Variants in CNTNAP4 observed in about 807,000 individuals in gnomAD.
CNTNAP4 encodes the protein contactin-associated protein-like 4.
Under a neutral mutation model 148.4 loss-of-function variants are expected in CNTNAP4, and 98 were observed. That is an observed-to-expected ratio of 0.66 (90% CI 0.56 to 0.78). The LOEUF is 0.78. CNTNAP4 is among the 30% of genes least tolerant of loss of function. The pLI is 0.00. For synonymous variants in CNTNAP4, 730 were observed against 565.1 expected (o/e 1.29, Z -4.14); for missense variants, 1,935 against 1,565.6 (o/e 1.24, Z -3.98).
At chr16:76,369,905 A>G (rs2014598883) in intron 3 of CNTNAP4, among the ~76,000 whole-genome samples, 1 of 151,968 alleles carries the variant, frequency 6.6e-6, no homozygotes, top group Non-Finnish European at 1.5e-5. Context: ...GTTTTGTTCT[A>G]TTTTAGCCTT....
At position 76,522,055 on chromosome 16, in the gene CNTNAP4, T is replaced by A. The variant is rs376851667; in HGVS notation, c.2553T>A (p.Thr851=). The part of the protein sequence containing the change: ...RIELRSPTVV[T]FSFDVGNGPF... ...TATTTCCAGCTCCGACAGTAGTGAC[T>A]TTTTCATTTGATGTGGGGAATGGGC... Residue 851 remains threonine (T), a synonymous_variant, in exon 17 of 24, where the codon ACT becomes ACA. Coordinates refer to ENST00000611870, the MANE Select transcript of CNTNAP4 (RefSeq NM_033401.5). The A allele has an allele frequency of 4.2e-5, 67 of 1,613,802 alleles. No individual in the cohort carries two copies. Among genetic ancestry groups the A allele is most frequent in the Non-Finnish European group, 5.5e-5 (65 of 1,179,812 alleles).
chr16:76,513,523 A>G (rs1384265674), intron 15 of CNTNAP4, among the ~76,000 whole-genome samples: 4 of 152,218 alleles, frequency 2.6e-5, no homozygotes, highest in African/African-American at 9.6e-5. Flanking sequence ...GTATCAGGCA[A>G]TAAGTATATT....
chr16:76,465,034 C>A (rs1393121383), intron 9 of CNTNAP4, among the ~76,000 whole-genome samples: 1 of 152,148 alleles, frequency 6.6e-6, no homozygotes, highest in Non-Finnish European at 1.5e-5. Context: ...TTCTCACATC[C>A]CCCTCCCTTG....
At chr16:76,322,480 A>G (rs1006533654) in intron 2 of CNTNAP4, among the ~76,000 whole-genome samples, 6 of 152,186 alleles carry the variant, frequency 3.9e-5, no homozygotes, top group Non-Finnish European at 7.3e-5. Context: ...TTGGTGTTAG[A>G]CATATCTGGA....
chr16:76,358,886 A>C (rs937304611), intron 3 of CNTNAP4, among the ~76,000 whole-genome samples: 12 of 152,094 alleles, frequency 7.9e-5, no homozygotes, highest in African/African-American at 2.9e-4. Context: ...ATGTGTGTGT[A>C]TATATATGTA....
At chr16:76,473,539 C>T (rs1004050741) in intron 10 of CNTNAP4, among the ~76,000 whole-genome samples, 2 of 151,890 alleles carry the variant, frequency 1.3e-5, no homozygotes, top group South Asian at 2.1e-4. Flanking sequence ...TTTGGGAGGC[C>T]GAGGCGGGCA....
chr16:76,396,545 C>G (rs888366319), intron 3 of CNTNAP4, among the ~76,000 whole-genome samples: 1 of 152,230 alleles, frequency 6.6e-6, no homozygotes, highest in South Asian at 2.1e-4. Flanking sequence ...TTCACTCAGA[C>G]ATGATTACAG....
Position 76,452,508 on chromosome 16 carries a change from G to A in CNTNAP4, c.1072G>A (p.Gly358Arg). The A allele has an allele frequency of 6.2e-7, 1 of 1,613,816 alleles. No individual in the cohort carries two copies. The highest frequency in any genetic ancestry group is 8.5e-7 in the Non-Finnish European group (1 of 1,179,810). Residue 358 changes from glycine to arginine, a missense_variant and splice_region_variant, in exon 8 of 24, where the codon GGA (glycine) becomes AGA (arginine). Transcript: ENST00000611870. Reference protein sequence around the residue: ...KQQKPQIIAMGNVSFSCSQPQ... With the variant: ...KQQKPQIIAMRNVSFSCSQPQ... The stretch of plus-strand genomic sequence containing the variant: ...GCTTTTTCTTTTACTTTATTCTCAG[G>A]GAAATGTGTCATTTTCTTGTTCACA...
chr16:76,467,395 T>C lies in CNTNAP4; in HGVS notation c.1527T>C (p.Leu509=). The C allele has an allele frequency of 6.2e-7, 1 of 1,613,950 alleles. No homozygotes were observed. The highest frequency in any genetic ancestry group is 8.5e-7 in the Non-Finnish European group (1 of 1,179,854). The change falls in exon 10 of 24, where the codon CTT becomes CTC. Residue 509 remains leucine, a synonymous_variant. Transcript: ENST00000611870. ...KSFGSKCKSP[L]GGFQGCMRLI... Reference sequence around the variant, plus strand: ...TTGGATCCAAATGTAAAAGTCCACTTGGTGGATTTCAGGGATGTATGAGGC... The same window carrying C: ...TTGGATCCAAATGTAAAAGTCCACTCGGTGGATTTCAGGGATGTATGAGGC...
At chr16:76,288,315 T>C (rs1299064154) in intron 1 of CNTNAP4, among the ~76,000 whole-genome samples, 1 of 152,168 alleles carries the variant, frequency 6.6e-6, no homozygotes, top group African/African-American at 2.4e-5. Context: ...CTTTTCTTTG[T>C]AAATTACTCA....
intron 1 of CNTNAP4, among the ~76,000 whole-genome samples, chr16:76,283,139 A>T (rs149388990): frequency 2.5e-4 from 38 of 152,108 alleles, no homozygotes; most frequent in African/African-American, 8.4e-4. Context: ...TGACATTGGC[A>T]TTACATGGCT....
chr16:76,529,693 T>A (rs1414200608), intron 17 of CNTNAP4, among the ~76,000 whole-genome samples: 1 of 152,222 alleles, frequency 6.6e-6, no homozygotes, highest in Non-Finnish European at 1.5e-5. Flanking sequence ...CCTGACATAG[T>A]CAGAAGTAAC....
intron 12 of CNTNAP4, 67 bp downstream of exon 12, chr16:76,479,605 T>G: frequency 6.6e-7 from 1 of 1,514,282 alleles, no homozygotes; most frequent in Non-Finnish European, 8.9e-7. Context: ...AAAATTAAAA[T>G]GAAATAAGCA....
intron 3 of CNTNAP4, among the ~76,000 whole-genome samples, chr16:76,403,304 AG>A (rs1421762558): frequency 6.6e-6 from 1 of 152,104 alleles, no homozygotes; most frequent in Non-Finnish European, 1.5e-5. Context: ...TGTGTTAGCC[AG>A]GATGGTCTCG....
intron 3 of CNTNAP4, among the ~76,000 whole-genome samples, chr16:76,361,960 G>A (rs1026163975): frequency 7.9e-5 from 12 of 152,264 alleles, no homozygotes; most frequent in South Asian, 2.1e-4. Flanking sequence ...TGCTGGTTAT[G>A]TGTATATCTT....
intron 4 of CNTNAP4, among the ~76,000 whole-genome samples, chr16:76,447,503 C>T (rs1262572273): frequency 2.0e-5 from 3 of 152,062 alleles, no homozygotes. Context: ...TTTTCCCTTA[C>T]TATTGACTGG....
At chr16:76,484,002 AATTTT>A (rs2081933857) in intron 12 of CNTNAP4, among the ~76,000 whole-genome samples, 3 of 152,000 alleles carry the variant, frequency 2.0e-5, no homozygotes, top group South Asian at 4.1e-4. Flanking sequence ...TGAAATTATC[AATTTT>A]ATTTTATTGA....
chr16:76,482,108 T>G (rs1438836906), intron 12 of CNTNAP4, among the ~76,000 whole-genome samples: 2 of 152,096 alleles, frequency 1.3e-5, no homozygotes, highest in African/African-American at 2.4e-5. Flanking sequence ...GGTTAGGGAA[T>G]GCTTCTTCAG....
chr16:76,283,543 C>T (rs1958769666), intron 1 of CNTNAP4, among the ~76,000 whole-genome samples: 1 of 151,884 alleles, frequency 6.6e-6, no homozygotes, highest in African/African-American at 2.4e-5. Context: ...CTATTCTTGG[C>T]AAACTAACAA....
Sources: gnomAD v4.1 joint callset for allele counts (sites outside exome capture counted in the v4.1 genomes callset) on GRCh38, gnomAD v4.1.1 for gene constraint, MANE v1.5 for transcripts, NCBI Gene and HGNC (gene_info 2026-07-23, HGNC 2026-07-21) for gene names.